The following DROSHA variants were observed in gnomAD, a reference collection of about 807,000 sequenced individuals.
DROSHA encodes the protein ribonuclease 3.
A neutral mutation model predicts 181.9 loss-of-function variants in DROSHA; 56 were observed. The observed-to-expected ratio is 0.31, with a 90% CI of 0.25 to 0.38. DROSHA has a LOEUF of 0.38. DROSHA is among the 10% of genes least tolerant of loss of function. The pLI is 1.00. For missense variants in DROSHA, 1,218 were observed against 1,743.5 expected (o/e 0.70, Z 5.37); for synonymous variants, 524 against 591.2 (o/e 0.89, Z 1.65).
chr5:31,425,195 A>C (rs1743321697), intron 27 of DROSHA, among the ~76,000 whole-genome samples: 1 of 152,214 alleles, frequency 6.6e-6, no homozygotes, highest in Non-Finnish European at 1.5e-5. Context: ...ATTCCTTAAG[A>C]GGAAAAAATA....
In DROSHA at chr5:31,514,515, G is replaced by A. The variant is rs554205224; in HGVS notation, c.1290+473C>T. Reference sequence around the variant, plus strand: ...AAAAATTAGCCAGTCATGGTGGCACGTGCCCCGTAGTTCCAGCTACTCAGG... The same window carrying A: ...AAAAATTAGCCAGTCATGGTGGCACATGCCCCGTAGTTCCAGCTACTCAGG... On this transcript the variant is annotated intron_variant, in intron 8 of 35. Coordinates refer to ENST00000344624, the MANE Select transcript of DROSHA (RefSeq NM_001382508.1). The surrounding 1 kb of genome is among the most constrained non-coding windows in gnomAD (Gnocchi z 4.4). 5.3e-5 allele frequency among the ~76,000 whole-genome samples: 8 copies of A among 152,128 alleles called. No individual in the cohort carries two copies. The highest frequency in any genetic ancestry group is 1.9e-4 in the East Asian group (1 of 5,160).
chr5:31,527,332 C>A (rs549218644), intron 4 of DROSHA, among the ~76,000 whole-genome samples: 5 of 152,300 alleles, frequency 3.3e-5, no homozygotes, highest in East Asian at 3.9e-4. Context: ...TACCACCCCC[C>A]CTCTGCAATC....
At chr5:31,435,951 C>A in intron 24 of DROSHA, 87 bp from the exon 25 acceptor site, 1 of 1,210,332 alleles carries the variant, frequency 8.3e-7, no homozygotes, top group East Asian at 2.4e-5. Flanking sequence ...GGCTGGCACA[C>A]AGTAGCTGTG....
At chr5:31,516,256 A>G (rs1739261227) in intron 6 of DROSHA, among the ~76,000 whole-genome samples, 2 of 152,218 alleles carry the variant, frequency 1.3e-5, no homozygotes, top group Admixed American at 6.5e-5. Flanking sequence ...TGCTGTCTCA[A>G]AACAACAATA....
At chr5:31,420,614 T>A (rs1005803563) in intron 30 of DROSHA, among the ~76,000 whole-genome samples, 1 of 152,212 alleles carries the variant, frequency 6.6e-6, no homozygotes, top group African/African-American at 2.4e-5. Flanking sequence ...CTACTGCCTC[T>A]CAGTCTTCTC....
At chr5:31,478,540 C>T (rs746186683) in intron 16 of DROSHA, among the ~76,000 whole-genome samples, 25 of 152,102 alleles carry the variant, frequency 1.6e-4, no homozygotes, top group Non-Finnish European at 3.5e-4. Context: ...TCGAGACCAG[C>T]CTGACCAACA....
At chr5:31,435,939 A>C in intron 24 of DROSHA, 75 bp from the exon 25 acceptor site, 1 of 1,373,892 alleles carries the variant, frequency 7.3e-7, no homozygotes, top group South Asian at 1.2e-5. Flanking sequence ...TCACAGAAAC[A>C]GGGCTGGCAC....
intron 20 of DROSHA, among the ~76,000 whole-genome samples, chr5:31,456,814 T>C (rs1157774647): frequency 1.3e-5 from 2 of 152,010 alleles, no homozygotes; most frequent in East Asian, 3.9e-4. Flanking sequence ...CATGCTGGAG[T>C]ACAGTAGTAC....
intron 27 of DROSHA, among the ~76,000 whole-genome samples, chr5:31,425,546 C>T (rs958552577): frequency 1.3e-5 from 2 of 152,118 alleles, no homozygotes; most frequent in African/African-American, 2.4e-5. Flanking sequence ...CGGGCCCTTG[C>T]CTGACCTATT....
intron 8 of DROSHA, among the ~76,000 whole-genome samples, chr5:31,512,516 T>G (rs1418657279): frequency 6.6e-6 from 1 of 152,168 alleles, no homozygotes; most frequent in East Asian, 1.9e-4. Flanking sequence ...AGAAGAGAAC[T>G]CCTGATCTCT....
Position 31,483,556 on chromosome 5 carries a change from G to A in DROSHA, c.2069C>T (p.Pro690Leu), listed in dbSNP as rs1751314939. 6.2e-7 allele frequency: 1 copy of A among 1,612,740 alleles called. No homozygotes were observed. The highest frequency in any genetic ancestry group is 1.7e-5 in the Admixed American group (1 of 59,856). Residue 690 changes from proline (P) to leucine (L), a missense_variant and splice_region_variant, in exon 16 of 36, where the codon CCA (proline) becomes CTA (leucine). Around this residue, in one of 8 missense-constraint regions of DROSHA, gnomAD observed 460 missense variants for 774.2 expected, o/e 0.59. Transcript: ENST00000344624. The part of the protein sequence containing the change: ...HFMPRFVRFL[P>L]DGGKEVLSMH... ...CACTGACAAGCCAGAAGATTTACCT[G>A]GAAGAAATCTTACAAAACGTGGCAT...
chr5:31,452,437 C>A lies in DROSHA; in HGVS notation c.2575-797G>T, dbSNP rs77606467. ...TTAAATTTTTCCTTCAATCCCTTTT[C>A]ATTTGGCTATAAATTCCTTATTGGG... On this transcript the variant is annotated intron_variant, in intron 20 of 35. Transcript: ENST00000344624. Among the ~76,000 whole-genome samples, 34 of 152,256 alleles carry A rather than the reference C, an allele frequency of 2.2e-4. No individual in the cohort carries two copies. In the East Asian group the frequency reaches 6.6e-3, roughly 29 times the overall value.
chr5:31,458,060 G>C (rs950500733), intron 20 of DROSHA, among the ~76,000 whole-genome samples: 1 of 152,194 alleles, frequency 6.6e-6, no homozygotes, highest in South Asian at 2.1e-4. Context: ...AACACAGACA[G>C]TCCCCAACTT....
At chr5:31,468,222 T>C (rs1047684069) in intron 17 of DROSHA, among the ~76,000 whole-genome samples, 159 bp from the exon 18 acceptor site, 1 of 152,234 alleles carries the variant, frequency 6.6e-6, no homozygotes, top group South Asian at 2.1e-4. Context: ...AGCTATACTA[T>C]CTAAAAACTA....
At chr5:31,424,609 C>A in intron 27 of DROSHA, 138 bp from the exon 28 acceptor site, 1 of 1,086,364 alleles carries the variant, frequency 9.2e-7, no homozygotes. Context: ...ACAGTGCTGG[C>A]AAACTAATTT....
intron 29 of DROSHA, among the ~76,000 whole-genome samples, chr5:31,422,077 G>C (rs1742810732): frequency 7.4e-6 from 1 of 134,824 alleles, no homozygotes; most frequent in Non-Finnish European, 1.5e-5. Context: ...TCGCAACAGA[G>C]TGAGATCTGT....
At chr5:31,464,434 T>C (rs150822859) in intron 19 of DROSHA, 91 bp from the exon 20 acceptor site, 14 of 1,102,742 alleles carry the variant, frequency 1.3e-5, no homozygotes, top group Non-Finnish European at 1.8e-5. Context: ...TTGGATTCAT[T>C]TAATATTACC....
chr5:31,419,214 T>C (rs1742347462), intron 30 of DROSHA, among the ~76,000 whole-genome samples: 1 of 152,076 alleles, frequency 6.6e-6, no homozygotes, highest in Non-Finnish European at 1.5e-5. Context: ...CTAATGGGAG[T>C]TGGTATCTGT....
chr5:31,413,562 G>A (rs1482618780), intron 30 of DROSHA, among the ~76,000 whole-genome samples: 1 of 152,190 alleles, frequency 6.6e-6, no homozygotes, highest in Non-Finnish European at 1.5e-5. Flanking sequence ...GCACCAGTGG[G>A]TGCAGACCAA....
Sources: gnomAD v4.1 joint callset for allele counts (sites outside exome capture counted in the v4.1 genomes callset) on GRCh38, gnomAD v4.1.1 for gene constraint, gnomAD v4.1.1 regional missense constraint, Gnocchi (gnomAD v3.1) non-coding constraint, MANE v1.5 for transcripts, NCBI Gene and HGNC (gene_info 2026-07-23, HGNC 2026-07-21) for gene names.